LHFPL6: variants seen among roughly 807,000 people sequenced by gnomAD.
LHFPL6 encodes the protein LHFPL tetraspan subfamily member 6.
In LHFPL6, 9 loss-of-function variants were observed where a neutral mutation model predicts 20.6. The ratio of observed to expected loss-of-function variants is 0.44; its 90% CI spans 0.26 to 0.76. The LOEUF is 0.76. LHFPL6 is among the 30% of genes least tolerant of loss of function. LHFPL6 has a pLI of 0.20. For synonymous variants in LHFPL6, 105 were observed against 98.7 expected, an observed-to-expected ratio of 1.06 and a Z score of -0.38; for missense variants, 218 against 253.5, an observed-to-expected ratio of 0.86 and a Z score of 0.95.
intron 2 of LHFPL6, among the ~76,000 whole-genome samples, chr13:39,460,429 G>A (rs141022399): frequency 1.3e-5 from 2 of 152,124 alleles, no homozygotes; most frequent in Non-Finnish European, 2.9e-5. Flanking sequence ...CACAACCTGG[G>A]CATTGGTCTA....
At chr13:39,451,813 A>T (rs1274960070) in intron 2 of LHFPL6, among the ~76,000 whole-genome samples, 2 of 152,196 alleles carry the variant, frequency 1.3e-5, no homozygotes, top group Non-Finnish European at 2.9e-5. Flanking sequence ...ATTCCTAAAG[A>T]TCTAAAGATT....
chr13:39,358,780 A>C (rs1191052615), intron 3 of LHFPL6, among the ~76,000 whole-genome samples: 2 of 152,230 alleles, frequency 1.3e-5, no homozygotes, highest in East Asian at 1.9e-4. Flanking sequence ...GCCAACAAAC[A>C]TGTGAAAGAA....
chr13:39,514,998 C>A (rs1869856229), intron 2 of LHFPL6, among the ~76,000 whole-genome samples: 1 of 152,200 alleles, frequency 6.6e-6, no homozygotes, highest in South Asian at 2.1e-4. Flanking sequence ...ATAAATAACT[C>A]CCAAATCAGC....
At chr13:39,535,116 C>T (rs113967031) in intron 2 of LHFPL6, among the ~76,000 whole-genome samples, 9 of 152,332 alleles carry the variant, frequency 5.9e-5, no homozygotes, top group Non-Finnish European at 1.0e-4. Flanking sequence ...ATTTTCTCTG[C>T]GTATCTCTGT....
chr13:39,462,472 T>C (rs1050667222), intron 2 of LHFPL6, among the ~76,000 whole-genome samples: 1 of 152,212 alleles, frequency 6.6e-6, no homozygotes, highest in African/African-American at 2.4e-5. Flanking sequence ...CACATAATTG[T>C]CAAGATGTTT....
At chr13:39,415,398 T>A (rs2138391044) in intron 2 of LHFPL6, among the ~76,000 whole-genome samples, 1 of 152,176 alleles carries the variant, frequency 6.6e-6, no homozygotes, top group South Asian at 2.1e-4. Flanking sequence ...TGTATGCACA[T>A]GCATGTGTAT....
chr13:39,590,496 G>C (rs997886786), intron 2 of LHFPL6, among the ~76,000 whole-genome samples: 1 of 152,110 alleles, frequency 6.6e-6, no homozygotes, highest in Non-Finnish European at 1.5e-5. Flanking sequence ...ATGCTTCAAG[G>C]GAGCAACAAG....
chr13:39,597,446 C>T lies in LHFPL6; in HGVS notation c.385+3386G>A, dbSNP rs148846898. ...CTGTTAAAGTCCTTAATGACTAAAA[C>T]GGTATTTGAAAGCACACAATTTTAT... On this transcript the variant is annotated intron_variant, in intron 2 of 3. Transcript: ENST00000379589. 6.6e-5 allele frequency among the ~76,000 whole-genome samples: 10 copies of T among 152,304 alleles called. No homozygotes were observed. The East Asian group carries it at 9.6e-4, about 15-fold the overall frequency.
At chr13:39,473,263 G>C (rs1481348604) in intron 2 of LHFPL6, among the ~76,000 whole-genome samples, 5 of 150,984 alleles carry the variant, frequency 3.3e-5, no homozygotes. Flanking sequence ...CTTTGAACAG[G>C]TGTGCTTTAA....
At chr13:39,542,352 GTT>G (rs1870835586) in intron 2 of LHFPL6, among the ~76,000 whole-genome samples, 1 of 152,136 alleles carries the variant, frequency 6.6e-6, no homozygotes, top group Non-Finnish European at 1.5e-5. Context: ...ACTAATAAAC[GTT>G]GGAAATGTGG....
Position 39,541,886 on chromosome 13 carries a change from G to A in LHFPL6, c.385+58946C>T, listed in dbSNP as rs751506747. 6.6e-5 allele frequency among the ~76,000 whole-genome samples: 10 copies of A among 151,646 alleles called. No individual in the cohort carries two copies. In the South Asian group the frequency reaches 1.3e-3, roughly 19 times the overall value. On this transcript the variant is annotated intron_variant, in intron 2 of 3. Coordinates refer to ENST00000379589, the MANE Select transcript of LHFPL6 (RefSeq NM_005780.3). ...GGGTGGATCACGAGATCAGGAGATC[G>A]AGACCATCCTGGCTAACACAGTGAA...
chr13:39,396,367 T>A (rs539717415), intron 2 of LHFPL6, among the ~76,000 whole-genome samples: 3 of 152,180 alleles, frequency 2.0e-5, no homozygotes, highest in Non-Finnish European at 4.4e-5. Flanking sequence ...AACAGAGGTA[T>A]ATTGAGGTCC....
intron 2 of LHFPL6, among the ~76,000 whole-genome samples, chr13:39,537,434 T>C (rs182657346): frequency 6.6e-6 from 1 of 152,358 alleles, no homozygotes; most frequent in Admixed American, 6.5e-5. Flanking sequence ...GGCAGATTTA[T>C]CCTTACAGCT....
rs1017411922 is a variant in LHFPL6, at chr13:39,344,150, C to T, written c.485-96G>A. 42 of 884,416 alleles carry T rather than the reference C, an allele frequency of 4.7e-5. 1 individual carries two copies. The highest frequency in any genetic ancestry group is 3.6e-5 in the Non-Finnish European group (20 of 559,606). The allele number at this position is 884,416 out of a possible 1,614,324, so 54.8% of individuals were successfully genotyped here. On this transcript the variant is annotated intron_variant, in intron 3 of 3. Transcript: ENST00000379589. ...TTCCAGTGTGTGGGTTCTGAAACACCCTTTAGGAATATGGTATCCTCGCTT... is the reference window on the plus strand; with the variant it reads ...TTCCAGTGTGTGGGTTCTGAAACACTCTTTAGGAATATGGTATCCTCGCTT...
chr13:39,536,773 T>C (rs1278924619), intron 2 of LHFPL6, among the ~76,000 whole-genome samples: 1 of 152,218 alleles, frequency 6.6e-6, no homozygotes, highest in Admixed American at 6.5e-5. Flanking sequence ...ACTAGTTTAA[T>C]AGTGAATCAG....
intron 3 of LHFPL6, among the ~76,000 whole-genome samples, chr13:39,357,947 T>C (rs1329070424): frequency 6.6e-6 from 1 of 152,138 alleles, no homozygotes; most frequent in Non-Finnish European, 1.5e-5. Context: ...AAAATAACCA[T>C]GCTGCTCAAA....
chr13:39,490,606 C>CG (rs1868894554), intron 2 of LHFPL6, among the ~76,000 whole-genome samples: 1 of 152,156 alleles, frequency 6.6e-6, no homozygotes, highest in African/African-American at 2.4e-5. Context: ...CATCTGTGGC[C>CG]ATGTAATCAG....
At chr13:39,487,107 T>C (rs1317177190) in intron 2 of LHFPL6, among the ~76,000 whole-genome samples, 1 of 152,154 alleles carries the variant, frequency 6.6e-6, no homozygotes, top group Non-Finnish European at 1.5e-5. Flanking sequence ...ACACATATAA[T>C]CTTAAAAATC....
At position 39,447,555 on chromosome 13, in the gene LHFPL6, G is replaced by A. The variant is rs183462795; in HGVS notation, c.386-69029C>T. Among the ~76,000 whole-genome samples the A allele has an allele frequency of 2.4e-3, 373 of 152,248 alleles. 3 individuals carry two copies. The highest frequency in any genetic ancestry group is 4.0e-3 in the Non-Finnish European group (272 of 68,028). On this transcript the variant is annotated intron_variant, in intron 2 of 3. Transcript: ENST00000379589. Reference sequence around the variant, plus strand: ...AAGCAGTAATACCACAAATCTAATTGATAAGATCTGCAAGCCCAGAGAGCC... The same window carrying A: ...AAGCAGTAATACCACAAATCTAATTAATAAGATCTGCAAGCCCAGAGAGCC...
Sources: allele counts gnomAD v4.1 joint callset (sites outside exome capture counted in the v4.1 genomes callset), GRCh38; gene constraint gnomAD v4.1.1; transcripts MANE v1.5; gene names NCBI Gene and HGNC (gene_info 2026-07-23, HGNC 2026-07-21).